The following ENOX2 variants were observed in gnomAD, a reference collection of about 807,000 sequenced individuals.
The protein encoded by ENOX2 is ecto-NOX disulfide-thiol exchanger 2, also known as APK1 antigen.
ENOX2 carries 36 observed loss-of-function variants against 45.0 expected under a neutral mutation model. That is an observed-to-expected ratio of 0.80 (90% CI 0.61 to 1.06). The LOEUF is 1.06. ENOX2 is among the 50% of genes least tolerant of loss of function. The pLI, the probability that ENOX2 is intolerant of heterozygous loss-of-function variation, is 0.00. For synonymous variants in ENOX2, 174 were observed against 152.3 expected (o/e 1.14, Z -1.05); for missense variants, 423 against 462.5 (o/e 0.91, Z 0.78).
chrX:130,661,823 T>C (rs1175443123), intron 9 of ENOX2, among the ~76,000 whole-genome samples: 2 of 112,261 alleles, frequency 1.8e-5, no homozygotes, highest in African/African-American at 6.5e-5. Flanking sequence ...TTTGGAATGG[T>C]AGGCCTGTAA....
intron 2 of ENOX2, among the ~76,000 whole-genome samples, chrX:130,818,124 T>C (rs780109345): frequency 2.2e-3 from 249 of 110,718 alleles, no homozygotes; most frequent in East Asian, 5.4e-3. Flanking sequence ...ACACCAATTA[T>C]AGACAGCCAA....
intron 2 of ENOX2, among the ~76,000 whole-genome samples, chrX:130,797,867 G>T (rs1475116177): frequency 9.0e-6 from 1 of 111,340 alleles, no homozygotes; most frequent in Non-Finnish European, 1.9e-5. Flanking sequence ...TGTGTGTGTT[G>T]TTGTTGTTGT....
At chrX:130,671,697 A>G (rs767248607) in intron 6 of ENOX2, among the ~76,000 whole-genome samples, 63 of 111,930 alleles carry the variant, frequency 5.6e-4, no homozygotes, top group Non-Finnish European at 1.0e-3. Context: ...CCTACCAGCC[A>G]GAGCAGAAAA....
rs148889791 is a variant in ENOX2, at chrX:130,758,213, T to C, written c.-39+25334A>G. ...ATTGGTGTGGTCAAGACACAGAACA[T>C]TTCCATCACCACAAGGATCTCTCAT... On this transcript the variant is annotated intron_variant, in intron 3 of 14. Transcript: ENST00000394363. Among the ~76,000 whole-genome samples, 423 of 112,084 alleles carry C rather than the reference T, an allele frequency of 3.8e-3. 2 individuals are homozygous for C. Among genetic ancestry groups the C allele is most frequent in the African/African-American group, 0.013 (409 of 30,889 alleles).
At chrX:130,714,637 G>A (rs1179830527) in intron 3 of ENOX2, among the ~76,000 whole-genome samples, 1 of 111,731 alleles carries the variant, frequency 9.0e-6, no homozygotes, top group Non-Finnish European at 1.9e-5. Context: ...GCAAGACTAC[G>A]AGATACATTC....
chrX:130,713,346 G>C (rs759521987), intron 3 of ENOX2, among the ~76,000 whole-genome samples: 5 of 111,903 alleles, frequency 4.5e-5, no homozygotes, highest in Non-Finnish European at 7.5e-5. Flanking sequence ...CATGGGCTGA[G>C]GTATCTCAGG....
intron 2 of ENOX2, among the ~76,000 whole-genome samples, chrX:130,885,133 A>G (rs1175453521): frequency 5.3e-5 from 6 of 112,335 alleles, no homozygotes; most frequent in African/African-American, 1.9e-4. Context: ...AATAAATGCT[A>G]GACTAAAAAT....
chrX:130,774,476 G>A (rs1197308246), intron 3 of ENOX2, among the ~76,000 whole-genome samples: 3 of 111,930 alleles, frequency 2.7e-5, no homozygotes, highest in Non-Finnish European at 5.6e-5. Flanking sequence ...GATAATAACT[G>A]TGCTTACCTG....
intron 2 of ENOX2, among the ~76,000 whole-genome samples, chrX:130,840,522 AAAATAAATAAATAAATAAAT>A (rs61403363): frequency 3.9e-5 from 4 of 103,213 alleles, no homozygotes; most frequent in African/African-American, 1.5e-4. Context: ...TCTCTTTTAA[AAAATAAATAAATAAATAAAT>A]AAATAAATAA....
intron 3 of ENOX2, among the ~76,000 whole-genome samples, chrX:130,717,113 A>G (rs2038350802): frequency 8.9e-6 from 1 of 112,373 alleles, no homozygotes; most frequent in Admixed American, 9.4e-5. Context: ...TGGAAAGAAA[A>G]TCAGGCTGGG....
At position 130,631,414 on chromosome X, in the gene ENOX2, C is replaced by G. The variant is rs3810728; in HGVS notation, c.1528+54G>C. ...TATTAATCTTAGGTAAAGCCCTCCTCTCCTCCATTGTACCCAGGCATTGTA... is the reference window on the plus strand; with the variant it reads ...TATTAATCTTAGGTAAAGCCCTCCTGTCCTCCATTGTACCCAGGCATTGTA... On this transcript the variant is annotated intron_variant, in intron 13 of 14. Transcript: ENST00000394363. 864 of 666,811 alleles carry G rather than the reference C, an allele frequency of 1.3e-3. 6 individuals carry two copies. The East Asian group carries it at 0.025, about 20-fold the overall frequency. 55.0% of individuals were successfully genotyped at this position (666,811 alleles called of 1,213,427 possible).
At chrX:130,866,932 T>C (rs887080820) in intron 2 of ENOX2, among the ~76,000 whole-genome samples, 4 of 109,714 alleles carry the variant, frequency 3.6e-5, no homozygotes, top group African/African-American at 1.3e-4. Context: ...TTTTGAAAAA[T>C]ATGGAGGACC....
At chrX:130,636,835 T>C (rs946966882) in intron 11 of ENOX2, among the ~76,000 whole-genome samples, 1 of 112,209 alleles carries the variant, frequency 8.9e-6, no homozygotes, top group African/African-American at 3.2e-5. Context: ...TAAAAGGCTG[T>C]ATTTCTTGGT....
chrX:130,778,639 A>G (rs1433196864), intron 3 of ENOX2, among the ~76,000 whole-genome samples: 4 of 112,370 alleles, frequency 3.6e-5, no homozygotes, highest in Non-Finnish European at 5.6e-5. Context: ...TCACCATACC[A>G]ATACAAATTA....
At chrX:130,632,366 G>GC (rs1297911270) in intron 12 of ENOX2, among the ~76,000 whole-genome samples, 1 of 38,510 alleles carries the variant, frequency 2.6e-5, no homozygotes, top group Non-Finnish European at 5.2e-5. Flanking sequence ...GGAAGGGGCG[G>GC]GGGGGGGGGG....
At chrX:130,898,488 G>A (rs1007548423) in intron 2 of ENOX2, among the ~76,000 whole-genome samples, 2 of 110,044 alleles carry the variant, frequency 1.8e-5, no homozygotes, top group Non-Finnish European at 3.8e-5. Context: ...GTGTGTGTGC[G>A]TGTGCGTGTG....
chrX:130,688,180 A>T (rs1022211980), intron 5 of ENOX2, among the ~76,000 whole-genome samples: 1 of 112,160 alleles, frequency 8.9e-6, no homozygotes, highest in African/African-American at 3.2e-5. Flanking sequence ...TCTGGAAAAA[A>T]AGTTTTAGTC....
intron 2 of ENOX2, among the ~76,000 whole-genome samples, chrX:130,798,244 C>T (rs1453757773): frequency 9.0e-6 from 1 of 111,681 alleles, no homozygotes; most frequent in Non-Finnish European, 1.9e-5. Context: ...AGCAAGACGT[C>T]CATCTCTACA....
chrX:130,666,726 T>C (rs1473598609), intron 8 of ENOX2, among the ~76,000 whole-genome samples: 1 of 111,651 alleles, frequency 9.0e-6, no homozygotes, highest in African/African-American at 3.3e-5. Context: ...AAGTGGCAAA[T>C]GGAACAACTC....
Sources: gnomAD v4.1 joint callset for allele counts (sites outside exome capture counted in the v4.1 genomes callset) on GRCh38, gnomAD v4.1.1 for gene constraint, MANE v1.5 for transcripts, NCBI Gene and HGNC (gene_info 2026-07-23, HGNC 2026-07-21) for gene names.